Variants in MGST1 observed in about 807,000 individuals in gnomAD.
The protein encoded by MGST1 is microsomal glutathione S-transferase 1.
Under a neutral mutation model 8.9 loss-of-function variants are expected in MGST1, and 5 were observed. That is an observed-to-expected ratio of 0.56 (90% CI 0.29 to 1.19). The LOEUF is 1.19. Ranked by LOEUF, MGST1 falls within the 50% of genes most tolerant of loss-of-function variation. The pLI is 0.08. For synonymous variants in MGST1, 54 were observed against 67.8 expected, an observed-to-expected ratio of 0.80 and a Z score of 1.00; for missense variants, 182 against 187.4, an observed-to-expected ratio of 0.97 and a Z score of 0.17.
intron 4 of MGST1, among the ~76,000 whole-genome samples, chr12:16,577,418 T>A (rs1943029120): frequency 6.6e-6 from 1 of 152,182 alleles, no homozygotes. Context: ...TTCTTCATTA[T>A]TTTCATCATA....
intron 1 of MGST1, among the ~76,000 whole-genome samples, chr12:16,428,177 A>G (rs754523303): frequency 1.3e-5 from 2 of 151,790 alleles, no homozygotes; most frequent in Non-Finnish European, 2.9e-5. Flanking sequence ...GCTTTTTCCA[A>G]ACATTTTTAA....
Position 16,401,120 on chromosome 12 carries a change from C to T in MGST1, n.778+17516C>T, listed in dbSNP as rs368934205. 140 of 1,577,566 alleles carry T rather than the reference C, an allele frequency of 8.9e-5. No homozygotes were observed. Among genetic ancestry groups the T allele is most frequent in the African/African-American group, 5.8e-4 (43 of 74,190 alleles). On this transcript the variant is annotated intron_variant and non_coding_transcript_variant, in intron 1 of 1. Coordinates refer to the MGST1 transcript ENST00000359720. This position sits in a 1 kb window ranked among gnomAD's most constrained non-coding sequence, Gnocchi z 4.3. ...TCCTCCTCCTCCTTTTCCTCATCTT[C>T]GTTCCTTAGGAAAATACCCACATTC...
intron 4 of MGST1, among the ~76,000 whole-genome samples, chr12:16,496,653 C>T (rs1941472412): frequency 6.6e-6 from 1 of 151,976 alleles, no homozygotes; most frequent in Admixed American, 6.6e-5. Context: ...CTAGTAGTTC[C>T]CCATGTCTAT....
chr12:16,577,704 T>A (rs917382574), intron 4 of MGST1, among the ~76,000 whole-genome samples: 1 of 152,066 alleles, frequency 6.6e-6, no homozygotes. Flanking sequence ...AGAGGAGAAT[T>A]TTTTTCCTTA....
Position 16,560,815 on chromosome 12 carries a change from G to A in MGST1, n.483-28713G>A. 1.8e-5 allele frequency: 8 copies of A among 442,846 alleles called. No individual in the cohort carries two copies. Among genetic ancestry groups the A allele is most frequent in the South Asian group, 9.7e-5 (5 of 51,324 alleles). The allele number at this position is 442,846 out of a possible 1,614,324, so 27.4% of individuals were successfully genotyped here. A position where few individuals can be genotyped will look rare whatever the true frequency, so the allele number is the denominator to read the frequency against. On this transcript the variant is annotated intron_variant and non_coding_transcript_variant, in intron 4 of 4. Coordinates refer to the MGST1 transcript ENST00000538857. This position sits in a 1 kb window ranked among gnomAD's most constrained non-coding sequence, Gnocchi z 5.0. ...CTGCACATAAACAGAAGTCAATGGG[G>A]GTGAATTCATAGCAAAAATCTCTGG...
chr12:16,356,708 ACTT>A (rs1333309577), intron 2 of MGST1, among the ~76,000 whole-genome samples: 1 of 152,216 alleles, frequency 6.6e-6, no homozygotes, highest in Non-Finnish European at 1.5e-5. Context: ...ATGAATGTGT[ACTT>A]CTTATTCCTA....
chr12:16,466,537 C>T (rs565810986), intron 4 of MGST1, among the ~76,000 whole-genome samples: 1 of 152,136 alleles, frequency 6.6e-6, no homozygotes, highest in East Asian at 1.9e-4. Flanking sequence ...AGTGTTGATA[C>T]CACACTGAAG....
chr12:16,443,406 C>T (rs1941053785), downstream of MGST1, among the ~76,000 whole-genome samples: 1 of 151,710 alleles, frequency 6.6e-6, no homozygotes, highest in South Asian at 2.1e-4. Context: ...ATCATCCCAT[C>T]TGCTCATTAT....
At chr12:16,348,180 A>T (rs1283194821) in intron 1 of MGST1, among the ~76,000 whole-genome samples, 2 of 152,230 alleles carry the variant, frequency 1.3e-5, no homozygotes, top group African/African-American at 4.8e-5. Context: ...TGCTCTTCTG[A>T]GTTCACTTTG....
At chr12:16,402,434 G>C in intron 1 of MGST1, 10 of 1,603,164 alleles carry the variant, frequency 6.2e-6, no homozygotes, top group Non-Finnish European at 8.5e-6. Context: ...CCTGGACGCC[G>C]CTTCTCCTCG....
chr12:16,377,140 CGT>C (rs1466026663), exon 4 of MGST1: 1 of 151,034 alleles, frequency 6.6e-6, no homozygotes, highest in African/African-American at 2.4e-5. Flanking sequence ...TTTTTGTGTG[CGT>C]GTGTTTTTTA....
intron 1 of MGST1, among the ~76,000 whole-genome samples, chr12:16,397,730 A>G (rs1046389764): frequency 2.0e-5 from 3 of 151,240 alleles, no homozygotes; most frequent in Non-Finnish European, 2.9e-5. Flanking sequence ...ATGTCTTTAT[A>G]TATATTTGGG....
chr12:16,375,975 C>T, intron 3 of MGST1: 1 of 425,970 alleles, frequency 2.3e-6, no homozygotes, highest in Non-Finnish European at 3.9e-6. Flanking sequence ...TCTATGAGCT[C>T]ATAAGATATA....
intron 1 of MGST1, among the ~76,000 whole-genome samples, chr12:16,396,880 C>A (rs1940610730): frequency 6.6e-6 from 1 of 151,986 alleles, no homozygotes; most frequent in Non-Finnish European, 1.5e-5. Flanking sequence ...TCTACAAATT[C>A]AATGCAATTC....
chr12:16,495,427 G>A (rs1941463516), intron 4 of MGST1, among the ~76,000 whole-genome samples: 1 of 151,788 alleles, frequency 6.6e-6, no homozygotes, highest in Admixed American at 6.6e-5. Flanking sequence ...ATATACCCAG[G>A]AAACAAACCA....
intron 1 of MGST1, among the ~76,000 whole-genome samples, chr12:16,386,512 T>TCTGG (rs1203564777): frequency 3.9e-5 from 6 of 152,188 alleles, no homozygotes; most frequent in Non-Finnish European, 5.9e-5. Context: ...TTTTCCTGCC[T>TCTGG]CCCAGCCTAC....
At chr12:16,478,174 C>T (rs953502844) in intron 4 of MGST1, among the ~76,000 whole-genome samples, 1 of 152,134 alleles carries the variant, frequency 6.6e-6, no homozygotes, top group African/African-American at 2.4e-5. Flanking sequence ...GGACTATAGG[C>T]GCGTGCCACC....
intron 4 of MGST1, among the ~76,000 whole-genome samples, chr12:16,455,809 A>G (rs904428160): frequency 4.6e-5 from 7 of 151,882 alleles, no homozygotes; most frequent in Non-Finnish European, 1.0e-4. Flanking sequence ...ATGTTTTGCA[A>G]TCATCTGTTT....
chr12:16,358,779 C>CTTTTTTTTTTTTTTTTTTTTTTTTTT (rs35081887), intron 3 of MGST1, among the ~76,000 whole-genome samples: 1 of 57,582 alleles, frequency 1.7e-5, no homozygotes, highest in Non-Finnish European at 3.1e-5. Flanking sequence ...AAATTCATTC[C>CTTTTTTTTTTTTTTTTTTTTTTTTTT]TTTTTTTTTT....
Sources: allele counts gnomAD v4.1 joint callset (sites outside exome capture counted in the v4.1 genomes callset), GRCh38; gene constraint gnomAD v4.1.1; non-coding constraint Gnocchi (gnomAD v3.1); transcripts MANE v1.5; gene names NCBI Gene and HGNC (gene_info 2026-07-23, HGNC 2026-07-21).